DLGAP2: variants seen among roughly 807,000 people sequenced by gnomAD.
The protein encoded by DLGAP2 is disks large-associated protein 2.
DLGAP2 carries 26 observed loss-of-function variants against 100.3 expected under a neutral mutation model. The ratio of observed to expected loss-of-function variants is 0.26; its 90% CI spans 0.19 to 0.36. The LOEUF (loss-of-function observed/expected upper bound fraction) is 0.36. Ranked by LOEUF, DLGAP2 falls within the 10% of genes least tolerant of loss-of-function variation. The pLI is 1.00. For missense variants in DLGAP2, 1,858 were observed against 1,453.2 expected (o/e 1.28, Z -4.53); for synonymous variants, 886 against 630.1 (o/e 1.41, Z -6.08).
chr8:1,381,251 G>A (rs1163927453), intron 3 of DLGAP2: 1 of 152,148 alleles, frequency 6.6e-6, no homozygotes, highest in South Asian at 2.1e-4. Context: ...TTCCATGTGT[G>A]CCCATGAAAA....
At chr8:776,902 C>T (rs1585851383) in intron 1 of DLGAP2, among the ~76,000 whole-genome samples, 2 of 152,128 alleles carry the variant, frequency 1.3e-5, no homozygotes, top group East Asian at 1.9e-4. Context: ...TCCTGGGTAT[C>T]CTTGTTGACT....
At chr8:918,372 A>C (rs1347897016) in intron 2 of DLGAP2, among the ~76,000 whole-genome samples, 1 of 152,236 alleles carries the variant, frequency 6.6e-6, no homozygotes, top group Non-Finnish European at 1.5e-5. Context: ...ATTAGGGTTT[A>C]CCAGTCGTCT....
chr8:930,013 T>C (rs1478358058), intron 2 of DLGAP2, among the ~76,000 whole-genome samples: 1 of 152,062 alleles, frequency 6.6e-6, no homozygotes, highest in Non-Finnish European at 1.5e-5. Flanking sequence ...GAGGAGTGAG[T>C]TGGTGCACCT....
At chr8:1,380,871 G>T (rs533453393) in intron 3 of DLGAP2, among the ~76,000 whole-genome samples, 24 of 126,144 alleles carry the variant, frequency 1.9e-4, no homozygotes, top group African/African-American at 7.0e-4. Flanking sequence ...CATAAGAATT[G>T]CAAAATATGA....
intron 2 of DLGAP2, among the ~76,000 whole-genome samples, chr8:1,233,458 A>G (rs1186478315): frequency 1.3e-5 from 2 of 152,192 alleles, no homozygotes; most frequent in African/African-American, 4.8e-5. Flanking sequence ...ACGGGCCTGA[A>G]TGGTTGGCTA....
intron 2 of DLGAP2, among the ~76,000 whole-genome samples, chr8:961,254 T>C (rs557329419): frequency 1.3e-5 from 2 of 152,366 alleles, no homozygotes; most frequent in Non-Finnish European, 2.9e-5. Context: ...AAGTTCCTGA[T>C]GTCTTATTTT....
chr8:1,370,611 T>A (rs1802214593), intron 3 of DLGAP2, among the ~76,000 whole-genome samples: 1 of 152,250 alleles, frequency 6.6e-6, no homozygotes, highest in Non-Finnish European at 1.5e-5. Flanking sequence ...ACCCTCTGGT[T>A]GCTACAGGGA....
intron 3 of DLGAP2, among the ~76,000 whole-genome samples, chr8:1,355,491 A>G (rs930289397): frequency 5.3e-5 from 8 of 151,800 alleles, no homozygotes; most frequent in African/African-American, 1.9e-4. Flanking sequence ...CAACCTCCTG[A>G]GTAGCTGGGA....
chr8:786,797 C>T (rs1821879427), intron 1 of DLGAP2, among the ~76,000 whole-genome samples: 1 of 151,814 alleles, frequency 6.6e-6, no homozygotes, highest in Non-Finnish European at 1.5e-5. Flanking sequence ...CATCATGAAC[C>T]TTGTCTTCCG....
chr8:1,666,360 A>G (rs565058120), intron 8 of DLGAP2, among the ~76,000 whole-genome samples: 91 of 152,264 alleles, frequency 6.0e-4, no homozygotes, highest in Non-Finnish European at 1.0e-3. Flanking sequence ...TCTCTTTCCA[A>G]TGCATGCTTT....
At chr8:1,178,312 C>G (rs940188789) in intron 2 of DLGAP2, among the ~76,000 whole-genome samples, 6 of 152,168 alleles carry the variant, frequency 3.9e-5, no homozygotes, top group Non-Finnish European at 8.8e-5. Context: ...TGGGCAAGAC[C>G]TGCGCTTGGA....
chr8:1,181,711 T>A (rs1797392052), intron 2 of DLGAP2, among the ~76,000 whole-genome samples: 1 of 152,042 alleles, frequency 6.6e-6, no homozygotes, highest in African/African-American at 2.4e-5. Flanking sequence ...GAACAAACGA[T>A]GGGAAGAATG....
intron 1 of DLGAP2, among the ~76,000 whole-genome samples, chr8:810,065 G>A (rs368672821): frequency 1.6e-4 from 25 of 152,224 alleles, no homozygotes; most frequent in African/African-American, 5.1e-4. Context: ...GACTGGGGGT[G>A]TGAGCTTGCT....
intron 2 of DLGAP2, among the ~76,000 whole-genome samples, chr8:935,217 C>T (rs752966352): frequency 1.6e-4 from 24 of 152,208 alleles, no homozygotes; most frequent in East Asian, 7.7e-4. Flanking sequence ...TCTTCCTTCC[C>T]GGTGTGGGTC....
At chr8:1,418,357 T>C (rs1027870636) in intron 3 of DLGAP2, among the ~76,000 whole-genome samples, 1 of 152,240 alleles carries the variant, frequency 6.6e-6, no homozygotes, top group Non-Finnish European at 1.5e-5. Flanking sequence ...ATATTTATAT[T>C]CAGTATCCTC....
At chr8:774,466 G>T (rs1050619013) in intron 1 of DLGAP2, among the ~76,000 whole-genome samples, 29 of 152,174 alleles carry the variant, frequency 1.9e-4, no homozygotes, top group Non-Finnish European at 3.5e-4. Flanking sequence ...TTCTTCTAGG[G>T]TTTTTATGGT....
intron 1 of DLGAP2, among the ~76,000 whole-genome samples, chr8:800,462 C>T (rs149683551): frequency 8.5e-5 from 13 of 152,272 alleles, no homozygotes; most frequent in East Asian, 1.9e-4. Flanking sequence ...GCTCTCATGG[C>T]GGAGCAGCCT....
Position 1,452,532 on chromosome 8 carries a change from G to A in DLGAP2, c.107-48834G>A, listed in dbSNP as rs115494020. ...CTTCTGAGCTTGTGGGACACTGGGC[G>A]CTCCGGGGAGAGCTGGAGGCCCAGT... is the stretch of plus-strand genomic sequence containing the variant. On this transcript the variant is annotated intron_variant, in intron 3 of 14. Coordinates refer to ENST00000637795, the MANE Select transcript of DLGAP2 (RefSeq NM_001346810.2). Among the ~76,000 whole-genome samples, 217 of 152,352 alleles carry A rather than the reference G, an allele frequency of 1.4e-3. 1 individual carries two copies. Among genetic ancestry groups the A allele is most frequent in the African/African-American group, 4.9e-3 (205 of 41,592 alleles).
intron 3 of DLGAP2, among the ~76,000 whole-genome samples, chr8:1,485,384 C>T (rs1799211708): frequency 6.6e-6 from 1 of 152,200 alleles, no homozygotes; most frequent in South Asian, 2.1e-4. Flanking sequence ...TAAGAGCGTT[C>T]ATGCAGATGC....
Sources: allele counts gnomAD v4.1 joint callset (sites outside exome capture counted in the v4.1 genomes callset), GRCh38; gene constraint gnomAD v4.1.1; transcripts MANE v1.5; gene names NCBI Gene and HGNC (gene_info 2026-07-23, HGNC 2026-07-21).